Variants in GNAO1 observed in about 807,000 individuals in gnomAD.
The protein encoded by GNAO1 is G protein subunit alpha o1.
For synonymous variants in GNAO1, 164 were observed against 180.7 expected (o/e 0.91, Z 0.74); for missense variants, 166 against 478.7 (o/e 0.35, Z 6.10).
chr16:56,307,158 C>T (rs1442521937), intron 3 of GNAO1: 6 of 152,328 alleles, frequency 3.9e-5, no homozygotes, highest in African/African-American at 1.2e-4. Flanking sequence ...ATGCAGAGCG[C>T]CCAGTGCCCT....
chr16:56,239,946 C>T (rs2036677687), intron 2 of GNAO1, among the ~76,000 whole-genome samples: 1 of 152,196 alleles, frequency 6.6e-6, no homozygotes, highest in South Asian at 2.1e-4. Flanking sequence ...AGCCCTTCAA[C>T]AGGGAGTCCT....
At chr16:56,314,656 G>A (rs1425496378) in intron 3 of GNAO1, among the ~76,000 whole-genome samples, 3 of 152,204 alleles carry the variant, frequency 2.0e-5, no homozygotes, top group African/African-American at 7.2e-5. Context: ...CGAGTCCAGC[G>A]CCGGCGCCTG....
At chr16:56,355,172 T>C (rs2037956541) in intron 8 of GNAO1, 91 bp downstream of exon 8, 3 of 433,872 alleles carry the variant, frequency 6.9e-6, no homozygotes, top group South Asian at 6.5e-5. Flanking sequence ...CAAATGCAAG[T>C]TGGTAAATAA....
intron 2 of GNAO1, among the ~76,000 whole-genome samples, chr16:56,256,694 C>CTCTCTG (rs1567457178): frequency 1.4e-4 from 15 of 108,338 alleles, no homozygotes; most frequent in African/African-American, 5.7e-4. Flanking sequence ...CTGTCTCTCT[C>CTCTCTG]TCTCTCTCTC....
intron 3 of GNAO1, among the ~76,000 whole-genome samples, chr16:56,323,005 G>A (rs1465953234): frequency 3.9e-5 from 6 of 152,330 alleles, no homozygotes; most frequent in African/African-American, 1.4e-4. Flanking sequence ...TACAGCACCA[G>A]CTGTACCATG....
At chr16:56,350,993 A>G (rs1358260423) in intron 6 of GNAO1, among the ~76,000 whole-genome samples, 1 of 151,814 alleles carries the variant, frequency 6.6e-6, no homozygotes. Flanking sequence ...ACACATGCAC[A>G]CGAACACACA....
At chr16:56,321,721 G>A (rs1360994685) in intron 3 of GNAO1, among the ~76,000 whole-genome samples, 2 of 152,190 alleles carry the variant, frequency 1.3e-5, no homozygotes, top group Non-Finnish European at 2.9e-5. Flanking sequence ...AGCTGCCCAG[G>A]AGAACAGGAC....
At chr16:56,345,631 C>G in intron 6 of GNAO1, 1 of 985,528 alleles carries the variant, frequency 1.0e-6, no homozygotes, top group Non-Finnish European at 1.2e-6. Context: ...CTGTTTTGTT[C>G]ACCTCGGTCA....
intron 2 of GNAO1, chr16:56,213,182 C>G (rs1332940627): frequency 2.5e-6 from 1 of 397,118 alleles, no homozygotes; most frequent in Non-Finnish European, 4.4e-6. Context: ...TATGTGTAGC[C>G]TTTACACAAA....
At position 56,328,774 on chromosome 16, in the gene GNAO1, C is replaced by T. The variant is rs1004708986; in HGVS notation, c.447C>T (p.Leu149=). The change falls in exon 4 of 9, where the codon CTC becomes CTT. Residue 149 remains leucine (L), a synonymous_variant. Transcript: ENST00000262493. ...ECFNRSREYQ[L]NDSAKYYLDS... Reference sequence around the variant, plus strand: ...TCAACCGGTCCCGGGAGTATCAGCTCAACGACTCTGCCAAATAGTGAGTGT... The same window carrying T: ...TCAACCGGTCCCGGGAGTATCAGCTTAACGACTCTGCCAAATAGTGAGTGT... The T allele has an allele frequency of 6.2e-7, 1 of 1,614,214 alleles. No homozygotes were observed. The highest frequency in any genetic ancestry group is 8.5e-7 in the Non-Finnish European group (1 of 1,180,030).
chr16:56,263,456 A>C (rs912313870), intron 2 of GNAO1, among the ~76,000 whole-genome samples: 1 of 152,200 alleles, frequency 6.6e-6, no homozygotes, highest in African/African-American at 2.4e-5. Flanking sequence ...ACAAATAAAA[A>C]TATACATACC....
chr16:56,266,564 A>G (rs765971735), intron 2 of GNAO1, among the ~76,000 whole-genome samples: 3 of 152,204 alleles, frequency 2.0e-5, no homozygotes, highest in Non-Finnish European at 2.9e-5. Context: ...GCTGCACCAG[A>G]TGGAAGGAGG....
At chr16:56,321,928 G>A (rs530742596) in intron 3 of GNAO1, among the ~76,000 whole-genome samples, 5 of 152,216 alleles carry the variant, frequency 3.3e-5, no homozygotes, top group Non-Finnish European at 7.3e-5. Flanking sequence ...AATACCATAA[G>A]CTGGGTGGCT....
chr16:56,249,393 C>T (rs1302138758), intron 2 of GNAO1, among the ~76,000 whole-genome samples: 3 of 152,152 alleles, frequency 2.0e-5, no homozygotes, highest in Admixed American at 2.0e-4. Flanking sequence ...CACAGTGCTG[C>T]AGAACCCAAT....
At chr16:56,318,216 C>G (rs1332068667) in intron 3 of GNAO1, among the ~76,000 whole-genome samples, 2 of 152,162 alleles carry the variant, frequency 1.3e-5, no homozygotes, top group South Asian at 2.1e-4. Flanking sequence ...TCTCCTGTGC[C>G]GGAGAGAACG....
intron 5 of GNAO1, 161 bp from the exon 6 acceptor site, chr16:56,336,570 C>CATTAAAAAA: frequency 1.6e-6 from 1 of 609,844 alleles, no homozygotes; most frequent in Non-Finnish European, 2.8e-6. Context: ...ATCCAGCTGT[C>CATTAAAAAA]TGTCATCACC....
intron 3 of GNAO1, among the ~76,000 whole-genome samples, chr16:56,320,627 G>T (rs1445273359): frequency 6.6e-6 from 1 of 152,218 alleles, no homozygotes; most frequent in Admixed American, 6.5e-5. Flanking sequence ...GTGTGGGGTG[G>T]CAAGAGAATC....
intron 2 of GNAO1, among the ~76,000 whole-genome samples, chr16:56,203,923 C>T (rs2036302949): frequency 6.6e-6 from 1 of 152,092 alleles, no homozygotes; most frequent in African/African-American, 2.4e-5. Flanking sequence ...TTATAGGGTT[C>T]CCTGATAGTT....
At chr16:56,231,113 A>T (rs1342698680) in intron 2 of GNAO1, among the ~76,000 whole-genome samples, 1 of 152,214 alleles carries the variant, frequency 6.6e-6, no homozygotes, top group Admixed American at 6.5e-5. Flanking sequence ...CCAAAACAGG[A>T]TGACACCATT....
Sources: allele counts gnomAD v4.1 joint callset (sites outside exome capture counted in the v4.1 genomes callset), GRCh38; gene constraint gnomAD v4.1.1; transcripts MANE v1.5; gene names NCBI Gene and HGNC (gene_info 2026-07-23, HGNC 2026-07-21).